Variants in LRRC7 observed in about 807,000 individuals in gnomAD.
LRRC7 encodes leucine-rich repeat-containing protein 7.
Under a neutral mutation model 175.7 loss-of-function variants are expected in LRRC7, and 23 were observed. The observed-to-expected ratio is 0.13, with a 90% CI of 0.09 to 0.19. The LOEUF is 0.19. Ranked by LOEUF, LRRC7 falls within the 10% of genes least tolerant of loss-of-function variation. The pLI is 1.00. For synonymous variants in LRRC7, 685 were observed against 680.9 expected (o/e 1.01, Z -0.09); for missense variants, 1,354 against 1,904.7 (o/e 0.71, Z 5.38).
In LRRC7 at chr1:69,789,714, A is replaced by C. The variant is rs182808473; in HGVS notation, c.304-2329A>C. 2.3e-4 allele frequency among the ~76,000 whole-genome samples: 35 copies of C among 152,218 alleles called. 1 individual carries two copies. Among genetic ancestry groups the C allele is most frequent in the Admixed American group, 6.5e-4 (10 of 15,306 alleles). On this transcript the variant is annotated intron_variant, in intron 3 of 26. Coordinates refer to ENST00000651989, the MANE Select transcript of LRRC7 (RefSeq NM_001370785.2). ...TGCAGAATTTCAAAAATATTTCTTC[A>C]GTATGTACTATGTATAAGACACTGT...
chr1:69,777,961 A>G (rs1476911729), intron 3 of LRRC7, among the ~76,000 whole-genome samples: 1 of 152,092 alleles, frequency 6.6e-6, no homozygotes, highest in Non-Finnish European at 1.5e-5. Context: ...AGGGGAAAAA[A>G]CCATGCAGCT....
At chr1:69,717,255 T>C (rs1346753913) in intron 2 of LRRC7, among the ~76,000 whole-genome samples, 1 of 151,790 alleles carries the variant, frequency 6.6e-6, no homozygotes, top group Non-Finnish European at 1.5e-5. Context: ...TAGATATTTC[T>C]ATAACCACAG....
At chr1:69,703,019 C>T (rs1444592150) in intron 2 of LRRC7, among the ~76,000 whole-genome samples, 2 of 152,076 alleles carry the variant, frequency 1.3e-5, no homozygotes, top group African/African-American at 4.8e-5. Context: ...GACTTGTTCT[C>T]TGGCTCACTG....
chr1:70,135,657 A>G lies in LRRC7; in HGVS notation c.*13770A>G, dbSNP rs1383943732. ...ATTCAAGACTTCACTTTTATTGATG[A>G]TCATTAAGCTAGAATCTGTAAAAGA... is the stretch of plus-strand genomic sequence containing the variant. On this transcript the variant is annotated 3_prime_UTR_variant, in exon 27 of 27. Coordinates refer to ENST00000651989, the MANE Select transcript of LRRC7 (RefSeq NM_001370785.2). 6.6e-6 allele frequency among the ~76,000 whole-genome samples: 1 copy of G among 152,240 alleles called. No homozygotes were observed.
intron 8 of LRRC7, among the ~76,000 whole-genome samples, chr1:69,966,337 G>A (rs1418762379): frequency 6.6e-6 from 1 of 152,048 alleles, no homozygotes; most frequent in East Asian, 1.9e-4. Flanking sequence ...TTTAATTACA[G>A]TATCTACCAT....
intron 7 of LRRC7, among the ~76,000 whole-genome samples, chr1:69,864,448 T>A (rs1684697238): frequency 6.6e-6 from 1 of 152,196 alleles, no homozygotes; most frequent in Non-Finnish European, 1.5e-5. Context: ...TTAAAATATG[T>A]GTGAAAAAGC....
intron 3 of LRRC7, among the ~76,000 whole-genome samples, chr1:69,785,549 G>A (rs1391192885): frequency 6.6e-6 from 1 of 151,938 alleles, no homozygotes; most frequent in African/African-American, 2.4e-5. Flanking sequence ...TTTTATCTGT[G>A]TTGCTACTTC....
intron 26 of LRRC7, among the ~76,000 whole-genome samples, chr1:70,111,582 G>A (rs1665530934): frequency 6.6e-6 from 1 of 152,044 alleles, no homozygotes; most frequent in African/African-American, 2.4e-5. Context: ...TTTTTCTAAT[G>A]TTCTTTCCAG....
chr1:69,830,259 G>A (rs1294239097), intron 5 of LRRC7, among the ~76,000 whole-genome samples: 1 of 151,708 alleles, frequency 6.6e-6, no homozygotes, highest in African/African-American at 2.4e-5. Flanking sequence ...TACATCTATG[G>A]GGTGGATATG....
At chr1:69,919,497 C>T (rs1646816440) in intron 7 of LRRC7, 4 of 890,178 alleles carry the variant, frequency 4.5e-6, no homozygotes, top group Admixed American at 4.0e-5. Context: ...GCGGCAAAAT[C>T]TGGCAGGGGG....
intron 18 of LRRC7, among the ~76,000 whole-genome samples, chr1:70,035,581 G>A (rs1458960966): frequency 7.3e-6 from 1 of 136,908 alleles, no homozygotes; most frequent in African/African-American, 2.9e-5. Context: ...GGGAAGAGCA[G>A]GATTTATAGG....
intron 24 of LRRC7, among the ~76,000 whole-genome samples, chr1:70,087,925 A>AT (rs1433383751): frequency 6.6e-6 from 1 of 152,176 alleles, no homozygotes; most frequent in African/African-American, 2.4e-5. Context: ...TCTAGTGACA[A>AT]TATGTGCTAA....
chr1:69,627,102 C>T (rs1651709113), intron 1 of LRRC7, among the ~76,000 whole-genome samples: 1 of 152,152 alleles, frequency 6.6e-6, no homozygotes, highest in South Asian at 2.1e-4. Flanking sequence ...AATGGGTTGG[C>T]TGGGTCAAAT....
chr1:70,013,332 A>C (rs1656685329), intron 13 of LRRC7, among the ~76,000 whole-genome samples: 1 of 151,902 alleles, frequency 6.6e-6, no homozygotes, highest in African/African-American at 2.4e-5. Context: ...GAATCACACA[A>C]ATTTATATAC....
intron 1 of LRRC7, among the ~76,000 whole-genome samples, chr1:69,647,032 G>C (rs184564545): frequency 2.0e-5 from 3 of 152,110 alleles, no homozygotes; most frequent in Non-Finnish European, 2.9e-5. Context: ...AAATGTCATA[G>C]TAGGAAACAG....
chr1:70,127,453 G>C lies in LRRC7; in HGVS notation c.*5566G>C, dbSNP rs1271132986. Among the ~76,000 whole-genome samples the C allele has an allele frequency of 6.6e-6, 1 of 152,164 alleles. No homozygotes were observed. Among genetic ancestry groups the C allele is most frequent in the Non-Finnish European group, 1.5e-5 (1 of 68,032 alleles). On this transcript the variant is annotated 3_prime_UTR_variant, in exon 27 of 27. Transcript: ENST00000651989. ...AAAGTATAGGAATATTGAGTCCCTT[G>C]GGATTTTAACCATGTGATTATGTCA...
At chr1:69,706,226 G>A (rs1350016993) in intron 2 of LRRC7, among the ~76,000 whole-genome samples, 8 of 152,068 alleles carry the variant, frequency 5.3e-5, no homozygotes. Context: ...CAACTTTACT[G>A]ATTCCATTTT....
intron 7 of LRRC7, among the ~76,000 whole-genome samples, chr1:69,863,711 A>G (rs1278185478): frequency 6.6e-6 from 1 of 152,146 alleles, no homozygotes; most frequent in African/African-American, 2.4e-5. Flanking sequence ...CTCAATCTCT[A>G]TTACCATTGC....
intron 7 of LRRC7, among the ~76,000 whole-genome samples, chr1:69,924,737 A>G (rs1398906305): frequency 2.6e-5 from 4 of 152,206 alleles, no homozygotes; most frequent in African/African-American, 4.8e-5. Context: ...CAATCATGTC[A>G]TCTGCAAACA....
Sources: gnomAD v4.1 joint callset for allele counts (sites outside exome capture counted in the v4.1 genomes callset) on GRCh38, gnomAD v4.1.1 for gene constraint, MANE v1.5 for transcripts, NCBI Gene and HGNC (gene_info 2026-07-23, HGNC 2026-07-21) for gene names.